Variants in ASXL1 observed in about 807,000 individuals in gnomAD.
ASXL1 encodes the protein ASXL transcriptional regulator 1.
Under a neutral mutation model 89.1 loss-of-function variants are expected in ASXL1, and 65 were observed. The observed-to-expected ratio is 0.73, with a 90% CI of 0.60 to 0.90. The LOEUF (loss-of-function observed/expected upper bound fraction) is 0.90. Ranked by LOEUF, ASXL1 falls within the 40% of genes least tolerant of loss-of-function variation. The pLI is 0.00. For synonymous variants in ASXL1, 739 were observed against 746.9 expected (o/e 0.99, Z 0.17); for missense variants, 1,786 against 1,942.9 (o/e 0.92, Z 1.52).
intron 1 of ASXL1, 120 bp downstream of exon 1, chr20:32,358,952 C>T (rs1353174532): frequency 6.4e-6 from 7 of 1,102,138 alleles, no homozygotes; most frequent in Non-Finnish European, 8.6e-6. Flanking sequence ...GCGGGGCCAT[C>T]TTCCTTTAAG....
chr20:32,387,584 C>T (rs73906135), intron 4 of ASXL1, among the ~76,000 whole-genome samples: 2,028 of 152,312 alleles, frequency 0.013, 36 homozygotes, highest in African/African-American at 0.045. Context: ...CCCATGTTTT[C>T]CACTCCATAC....
chr20:32,372,675 ACC>A (rs2048317652), intron 4 of ASXL1: 1 of 161,756 alleles, frequency 6.2e-6, no homozygotes, highest in Non-Finnish European at 1.4e-5. Flanking sequence ...GCTCACTGCA[ACC>A]TCCACCGCCC....
chr20:32,358,909 G>C, intron 1 of ASXL1, 77 bp downstream of exon 1: 3 of 1,372,506 alleles, frequency 2.2e-6, no homozygotes, highest in Non-Finnish European at 2.9e-6. Context: ...CACTGGGGGG[G>C]GAGGGGCAAG....
Position 32,438,949 on chromosome 20 carries a change from G to A in ASXL1, c.*1611G>A, listed in dbSNP as rs1240341006. ...GTATTTCGACTTATTACAGAGTTGA[G>A]GGTTCTTGCTTAATTTAGATCAAGT... On this transcript the variant is annotated 3_prime_UTR_variant, in exon 13 of 13. Transcript: ENST00000375687. 4.3e-6 allele frequency: 1 copy of A among 233,422 alleles called. No homozygotes were observed. The highest frequency in any genetic ancestry group is 8.5e-6 in the Non-Finnish European group (1 of 118,048). 14.5% of individuals were successfully genotyped at this position (233,422 alleles called of 1,614,324 possible).
intron 1 of ASXL1, 91 bp downstream of exon 1, chr20:32,358,923 C>T: frequency 7.7e-7 from 1 of 1,301,304 alleles, no homozygotes; most frequent in Non-Finnish European, 1.0e-6. Flanking sequence ...GGGCAAGGCC[C>T]TGCCCACCGC....
In ASXL1 at chr20:32,425,080, T is replaced by G. The variant is rs112023778; in HGVS notation, c.253-3048T>G. On this transcript the variant is annotated intron_variant, in intron 4 of 12. Coordinates refer to ENST00000375687, the MANE Select transcript of ASXL1 (RefSeq NM_015338.6). ...TGCATTCCTAATGCTGTAGTTTAGT[T>G]GAGCTTATTTTGAACTTTTCACAAA... Among the ~76,000 whole-genome samples, 1,202 of 152,358 alleles carry G rather than the reference T, an allele frequency of 7.9e-3. 18 individuals carry two copies. The highest frequency in any genetic ancestry group is 0.028 in the African/African-American group (1,159 of 41,576).
intron 4 of ASXL1, among the ~76,000 whole-genome samples, chr20:32,412,593 A>AT (rs1569297687): frequency 1.0e-4 from 14 of 137,006 alleles, no homozygotes; most frequent in African/African-American, 1.6e-4. Context: ...AAAAGAAATA[A>AT]ATTTTTTTTT....
chr20:32,382,620 A>C (rs1281199749), intron 4 of ASXL1, among the ~76,000 whole-genome samples: 4 of 150,862 alleles, frequency 2.7e-5, no homozygotes, highest in South Asian at 2.1e-4. Context: ...AAAAAAAAAA[A>C]AAAAAAACAA....
Position 32,435,834 on chromosome 20 carries a change from C to T in ASXL1, c.3122C>T (p.Ala1041Val), listed in dbSNP as rs769951435. 1.9e-6 allele frequency: 3 copies of T among 1,614,050 alleles called. No homozygotes were observed. Among genetic ancestry groups the T allele is most frequent in the African/African-American group, 2.7e-5 (2 of 74,908 alleles). Residue 1041 changes from alanine (A) to valine (V), a missense_variant, in exon 13 of 13, where the codon GCC becomes GTC. Physicochemically the swap from Ala to Val is moderately conservative, Grantham distance 64 (BLOSUM62 0). Coordinates refer to ENST00000375687, the MANE Select transcript of ASXL1 (RefSeq NM_015338.6). ...KDEKPNWNQS[A>V]PLSKVNGDMR... ...GAGAAACCCAATTGGAACCAATCTG[C>T]CCCACTGTCCAAGGTGAATGGTGAC... is the stretch of plus-strand genomic sequence containing the variant.
intron 4 of ASXL1, among the ~76,000 whole-genome samples, chr20:32,379,694 C>T (rs933356272): frequency 1.3e-5 from 2 of 151,116 alleles, no homozygotes; most frequent in African/African-American, 4.9e-5. Context: ...GGATTACAGG[C>T]GGGCACCTGT....
chr20:32,394,218 G>T (rs1469273248), intron 4 of ASXL1, among the ~76,000 whole-genome samples: 2 of 152,104 alleles, frequency 1.3e-5, no homozygotes, highest in African/African-American at 4.8e-5. Context: ...TGGCCAGGCT[G>T]GTCTCAAATT....
chr20:32,428,558 C>G, intron 6 of ASXL1, 136 bp downstream of exon 6: 1 of 811,650 alleles, frequency 1.2e-6, no homozygotes, highest in Admixed American at 2.1e-5. Context: ...CTGTTAGTAG[C>G]ATTTAACAGG....
intron 4 of ASXL1, among the ~76,000 whole-genome samples, chr20:32,369,680 A>G (rs567098457): frequency 6.6e-6 from 1 of 151,114 alleles, no homozygotes; most frequent in Non-Finnish European, 1.5e-5. Context: ...AGATTGTACA[A>G]AACTGAAGCA....
intron 4 of ASXL1, among the ~76,000 whole-genome samples, chr20:32,405,883 A>T (rs1195045138): frequency 6.6e-6 from 1 of 151,900 alleles, no homozygotes; most frequent in Non-Finnish European, 1.5e-5. Flanking sequence ...ATCCTTCATC[A>T]CTATAAAGCT....
chr20:32,364,084 A>G (rs922133581), intron 1 of ASXL1, among the ~76,000 whole-genome samples: 1 of 152,234 alleles, frequency 6.6e-6, no homozygotes, highest in Non-Finnish European at 1.5e-5. Flanking sequence ...TAATTGCCCC[A>G]GTTTAGAATG....
In ASXL1 at chr20:32,435,356, C is replaced by T. The variant is rs770209084; in HGVS notation, c.2644C>T (p.Gln882Ter). 2.5e-6 allele frequency: 4 copies of T among 1,614,038 alleles called. No homozygotes were observed. The highest frequency in any genetic ancestry group is 1.7e-5 in the Admixed American group (1 of 60,000). Residue 882 changes from glutamine (Q) to a stop codon, truncating the protein, a stop_gained, in exon 13 of 13, where the codon CAA (glutamine) becomes TAA (stop). Coordinates refer to ENST00000375687, the MANE Select transcript of ASXL1 (RefSeq NM_015338.6). LOFTEE classifies it low-confidence loss of function (END_TRUNC). ...TCCTATGAGGGAAAGTGATACTAGACAAGAAAACTTGAAAACCAAGGCTCT... is the reference window on the plus strand; with the variant it reads ...TCCTATGAGGGAAAGTGATACTAGATAAGAAAACTTGAAAACCAAGGCTCT... ...CPPMRESDTR[Q>*]ENLKTKALVS...
In ASXL1 at chr20:32,433,571, C is replaced by G. The variant is rs1481847597; in HGVS notation, c.1373C>G (p.Pro458Arg). 4 of 1,614,194 alleles carry G rather than the reference C, an allele frequency of 2.5e-6. No homozygotes were observed. In the Admixed American group the frequency reaches 5.0e-5, roughly 20 times the overall value. Residue 458 changes from proline to arginine, a missense_variant, in exon 12 of 13, where the codon CCA becomes CGA. By Grantham distance (103) the Pro-to-Arg change is moderately radical. Coordinates refer to ENST00000375687, the MANE Select transcript of ASXL1 (RefSeq NM_015338.6). Reference protein sequence around the residue: ...LYKDGEAKTDPAGLSSPHLPG... With the variant: ...LYKDGEAKTDRAGLSSPHLPG... ...AAGGATGGGGAGGCTAAGACTGACC[C>G]AGCAGGGCTGAGCAGTCCCCATCTG...
At chr20:32,402,262 TGTGGTTG>T (rs1172032100) in intron 4 of ASXL1, among the ~76,000 whole-genome samples, 1 of 152,136 alleles carries the variant, frequency 6.6e-6, no homozygotes, top group Non-Finnish European at 1.5e-5. Context: ...AGTCTTGCTT[TGTGGTTG>T]GTCTCCAACT....
chr20:32,425,638 G>T (rs1364789688), intron 4 of ASXL1, among the ~76,000 whole-genome samples: 1 of 152,042 alleles, frequency 6.6e-6, no homozygotes, highest in East Asian at 1.9e-4. Context: ...ATCCTCTTGT[G>T]CAGTGCCTAA....
Sources: gnomAD v4.1 joint callset for allele counts (sites outside exome capture counted in the v4.1 genomes callset) on GRCh38, gnomAD v4.1.1 for gene constraint, MANE v1.5 for transcripts, NCBI Gene and HGNC (gene_info 2026-07-23, HGNC 2026-07-21) for gene names.